Variants in P4HB observed in about 807,000 individuals in gnomAD.
P4HB encodes the protein protein disulfide-isomerase.
A neutral mutation model predicts 52.6 loss-of-function variants in P4HB; 20 were observed. The observed-to-expected ratio is 0.38, with a 90% confidence interval of 0.27 to 0.55. The LOEUF (loss-of-function observed/expected upper bound fraction) is 0.55. P4HB is among the 20% of genes least tolerant of loss of function. The pLI is 0.74. For missense variants in P4HB, 601 were observed against 669.2 expected, an observed-to-expected ratio of 0.90 and a Z score of 1.12; for synonymous variants, 296 against 277.9, an observed-to-expected ratio of 1.07 and a Z score of -0.65.
At chr17:81,848,139 A>G (rs1476343111) in intron 4 of P4HB, among the ~76,000 whole-genome samples, 2 of 152,120 alleles carry the variant, frequency 1.3e-5, no homozygotes, top group Admixed American at 1.3e-4. Flanking sequence ...TTACCTCGTG[A>G]TCTGCCCGCC....
chr17:81,857,915 C>G (rs902798665), intron 2 of P4HB, among the ~76,000 whole-genome samples: 3 of 152,176 alleles, frequency 2.0e-5, no homozygotes, highest in Non-Finnish European at 4.4e-5. Flanking sequence ...CTCATCTCAT[C>G]TGCAAACCTG....
At chr17:81,854,562 CG>C (rs1362807590) in intron 4 of P4HB, among the ~76,000 whole-genome samples, 1 of 149,352 alleles carries the variant, frequency 6.7e-6, no homozygotes, top group Non-Finnish European at 1.5e-5. Flanking sequence ...AAAAGGCAAA[CG>C]GGGCCAGGCG....
At chr17:81,858,798 C>T (rs2038954581) in intron 2 of P4HB, 1 of 232,252 alleles carries the variant, frequency 4.3e-6, no homozygotes, top group South Asian at 5.8e-5. Flanking sequence ...TGGCACGCTA[C>T]ACACGACAGC....
In P4HB at chr17:81,843,757, C is replaced by T. The variant is rs938050931; in HGVS notation, c.*255G>A. On this transcript the variant is annotated 3_prime_UTR_variant, in exon 11 of 11. Coordinates refer to ENST00000331483, the MANE Select transcript of P4HB (RefSeq NM_000918.4). ...GGACAGACTCATGTATGAAAAAGTA[C>T]ATCATGGTTTCAGGAAACAAGCCCC... 8.5e-6 allele frequency: 5 copies of T among 588,704 alleles called. No homozygotes were observed. The highest frequency in any genetic ancestry group is 5.6e-5 in the African/African-American group (3 of 53,684). 36.5% of individuals were successfully genotyped at this position (588,704 alleles called of 1,614,324 possible).
intron 4 of P4HB, among the ~76,000 whole-genome samples, chr17:81,850,810 TG>T (rs2143336756): frequency 6.6e-6 from 1 of 152,300 alleles, no homozygotes; most frequent in African/African-American, 2.4e-5. Flanking sequence ...TTTTACTTTT[TG>T]TAGAGACAGT....
intron 2 of P4HB, chr17:81,858,951 C>A: frequency 1.8e-6 from 1 of 549,822 alleles, no homozygotes; most frequent in Non-Finnish European, 3.3e-6. Flanking sequence ...CAGCCGCCCC[C>A]AGGATGGCAC....
At chr17:81,853,950 C>T (rs1412555974) in intron 4 of P4HB, among the ~76,000 whole-genome samples, 1 of 152,250 alleles carries the variant, frequency 6.6e-6, no homozygotes, top group Admixed American at 6.5e-5. Flanking sequence ...CAGGCCCCAT[C>T]TTGACACTGT....
chr17:81,851,619 G>A (rs533521891), intron 4 of P4HB, among the ~76,000 whole-genome samples: 58 of 152,270 alleles, frequency 3.8e-4, no homozygotes, highest in African/African-American at 1.3e-3. Context: ...GAGTAACGCC[G>A]GGCCGCAACT....
intron 2 of P4HB, among the ~76,000 whole-genome samples, chr17:81,857,016 T>A (rs2038922798): frequency 6.6e-6 from 1 of 151,792 alleles, no homozygotes; most frequent in Non-Finnish European, 1.5e-5. Flanking sequence ...CTCCTGGGAT[T>A]AAGCAGTCCG....
intron 10 of P4HB, 143 bp from the exon 11 acceptor site, chr17:81,844,235 G>A: frequency 1.4e-6 from 1 of 731,002 alleles, no homozygotes; most frequent in South Asian, 1.5e-5. Flanking sequence ...GCCAACCCTG[G>A]TCTTTACGAG....
Position 81,845,983 on chromosome 17 carries a change from C to G in P4HB, c.1065G>C (p.Leu355=), listed in dbSNP as rs1330513326. Residue 355 remains leucine (L), a synonymous_variant, in exon 8 of 11, where the codon CTG becomes CTC. Transcript: ENST00000331483. ...AGTCCTCCGGCAGCTCCTGGCTCAT[C>G]AGGTGGGGCTGGAGGGCAGGCAGGG... is the stretch of plus-strand genomic sequence containing the variant. The part of the protein sequence containing the change: ...RFLEGKIKPH[L]MSQELPEDWD... 1 of 1,609,656 alleles carries G rather than the reference C, an allele frequency of 6.2e-7. No homozygotes were observed. Among genetic ancestry groups the G allele is most frequent in the South Asian group, 1.1e-5 (1 of 90,692 alleles).
Position 81,855,391 on chromosome 17 carries a change from G to A in P4HB, c.486+62C>T, listed in dbSNP as rs1485630608. On this transcript the variant is annotated intron_variant, in intron 3 of 10. Transcript: ENST00000331483. This position sits in a 1 kb window ranked among gnomAD's most constrained non-coding sequence, Gnocchi z 4.3. Reference sequence around the variant, plus strand: ...ACACGTGCAGAACTGCCAGCTGCAGGCTGTGGACCCCTCCTCAATGGATGA... The same window carrying A: ...ACACGTGCAGAACTGCCAGCTGCAGACTGTGGACCCCTCCTCAATGGATGA... 1.9e-6 allele frequency: 3 copies of A among 1,595,292 alleles called. No homozygotes were observed. The highest frequency in any genetic ancestry group is 2.6e-6 in the Non-Finnish European group (3 of 1,167,134).
chr17:81,846,412 C>G lies in P4HB; in HGVS notation c.1056+17G>C. On this transcript the variant is annotated intron_variant, in intron 7 of 10. Transcript: ENST00000331483. This position sits in a 1 kb window ranked among gnomAD's most constrained non-coding sequence, Gnocchi z 5.7. The stretch of plus-strand genomic sequence containing the variant: ...CTCTACCCGGGAGGCAGCCCTGGCC[C>G]GGGGACGCGCCTGCACCTTGATTTT... 1 of 1,612,520 alleles carries G rather than the reference C, an allele frequency of 6.2e-7. No individual in the cohort carries two copies. The highest frequency in any genetic ancestry group is 1.1e-5 in the South Asian group (1 of 91,072).
chr17:81,843,204 A>G lies in P4HB; in HGVS notation c.*808T>C, dbSNP rs1197279498. On this transcript the variant is annotated 3_prime_UTR_variant, in exon 11 of 11. Transcript: ENST00000331483. ...TTATTTGGCCAATGTGTTCAATTCG[A>G]TTGTGAAATAGAAATGCCTGAAGAA... The G allele has an allele frequency of 6.4e-6, 2 of 311,882 alleles. No homozygotes were observed. Among genetic ancestry groups the G allele is most frequent in the African/African-American group, 4.3e-5 (2 of 46,730 alleles). The allele number at this position is 311,882 out of a possible 1,614,324, so 19.3% of individuals were successfully genotyped here.
chr17:81,860,363 C>G lies in P4HB; in HGVS notation c.109G>C (p.Ala37Pro), dbSNP rs1369049896. Residue 37 changes from alanine (A) to proline (P), a missense_variant, in exon 1 of 11, where the codon GCG (alanine) becomes CCG (proline). By Grantham distance (27) the Ala-to-Pro change is conservative. Coordinates refer to ENST00000331483, the MANE Select transcript of P4HB (RefSeq NM_000918.4). ...LVLRKSNFAE[A>P]LAAHKYLLVE... ...AGCAGGTACTTGTGGGCCGCCAGCG[C>G]CTCCGCGAAGTTGCTTTTCCGCAGC... is the stretch of plus-strand genomic sequence containing the variant. The G allele has an allele frequency of 6.8e-7, 1 of 1,473,514 alleles. No homozygotes were observed. Among genetic ancestry groups the G allele is most frequent in the Non-Finnish European group, 9.0e-7 (1 of 1,111,738 alleles). The allele number at this position is 1,473,514 out of a possible 1,614,324, so 91.3% of individuals were successfully genotyped here. A position where few individuals can be genotyped will look rare whatever the true frequency, so the allele number is the denominator to read the frequency against.
At chr17:81,850,952 GAC>G (rs1054725214) in intron 4 of P4HB, among the ~76,000 whole-genome samples, 4 of 149,410 alleles carry the variant, frequency 2.7e-5, no homozygotes, top group Non-Finnish European at 5.9e-5. Context: ...TTTTTTTTGA[GAC>G]AGAGTCTTGC....
chr17:81,858,641 G>A (rs1298275386), intron 2 of P4HB, among the ~76,000 whole-genome samples: 1 of 152,212 alleles, frequency 6.6e-6, no homozygotes, highest in Non-Finnish European at 1.5e-5. Context: ...GCTACAGACG[G>A]AGCAGGGCGG....
At chr17:81,858,866 G>A (rs2038955502) in intron 2 of P4HB, 2 of 343,734 alleles carry the variant, frequency 5.8e-6, no homozygotes, top group Non-Finnish European at 5.5e-6. Context: ...ACAGGGGGCA[G>A]CACAAACAGC....
At position 81,843,775 on chromosome 17, in the gene P4HB, C is replaced by A; in HGVS notation, c.*237G>T. On this transcript the variant is annotated 3_prime_UTR_variant, in exon 11 of 11. Transcript: ENST00000331483. ...AAAAGTACATCATGGTTTCAGGAAA[C>A]AAGCCCCACCAGGGTGGGCTGCCTG... The A allele has an allele frequency of 3.4e-6, 2 of 593,608 alleles. No individual in the cohort carries two copies. The highest frequency in any genetic ancestry group is 6.0e-6 in the Non-Finnish European group (2 of 334,072). The allele number at this position is 593,608 out of a possible 1,614,324, so 36.8% of individuals were successfully genotyped here. A position where few individuals can be genotyped will look rare whatever the true frequency, so the allele number is the denominator to read the frequency against.
Sources: gnomAD v4.1 joint callset for allele counts (sites outside exome capture counted in the v4.1 genomes callset) on GRCh38, gnomAD v4.1.1 for gene constraint, Gnocchi (gnomAD v3.1) non-coding constraint, MANE v1.5 for transcripts, NCBI Gene and HGNC (gene_info 2026-07-23, HGNC 2026-07-21) for gene names.